FER1L6: variants seen among roughly 807,000 people sequenced by gnomAD.
FER1L6 encodes fer-1 like family member 6.
In FER1L6, 177 loss-of-function variants were observed where a neutral mutation model predicts 219.2. That is an observed-to-expected ratio of 0.81 (90% CI 0.71 to 0.91). The LOEUF (loss-of-function observed/expected upper bound fraction) is 0.91, where lower values mean the gene tolerates loss of function less well. Ranked by LOEUF, FER1L6 falls within the 40% of genes least tolerant of loss-of-function variation. The pLI, the probability that FER1L6 is intolerant of heterozygous loss-of-function variation, is 0.00. For synonymous variants in FER1L6, 768 were observed against 824.3 expected (o/e 0.93, Z 1.17); for missense variants, 2,153 against 2,259.9 (o/e 0.95, Z 0.96).
chr8:123,877,660 A>G (rs981315997), intron 1 of FER1L6, among the ~76,000 whole-genome samples: 1 of 151,914 alleles, frequency 6.6e-6, no homozygotes. Flanking sequence ...CAAGACTTGG[A>G]TTAGCATTTT....
intron 8 of FER1L6, 84 bp downstream of exon 8, chr8:123,975,390 G>GTACCCATAAGAAAA: frequency 3.1e-6 from 4 of 1,307,546 alleles, no homozygotes; most frequent in African/African-American, 1.5e-5. Flanking sequence ...CTTTTCTTAT[G>GTACCCATAAGAAAA]GGTACATGAG....
At chr8:123,983,948 G>A (rs948032300) in intron 11 of FER1L6, among the ~76,000 whole-genome samples, 9 of 152,096 alleles carry the variant, frequency 5.9e-5, no homozygotes, top group African/African-American at 1.9e-4. Context: ...GATATAGTGT[G>A]GGCAAAATTC....
At chr8:123,905,445 G>A (rs1467782874) in intron 1 of FER1L6, among the ~76,000 whole-genome samples, 2 of 152,154 alleles carry the variant, frequency 1.3e-5, no homozygotes, top group African/African-American at 2.4e-5. Context: ...ATCCCATGGT[G>A]TATATGTACC....
intron 27 of FER1L6, among the ~76,000 whole-genome samples, chr8:124,067,405 C>T (rs998005240): frequency 5.3e-5 from 8 of 152,198 alleles, no homozygotes; most frequent in African/African-American, 1.9e-4. Flanking sequence ...AGACCAGAAA[C>T]GCCAACAGAC....
chr8:124,025,004 T>A (rs992913308), intron 18 of FER1L6, among the ~76,000 whole-genome samples: 1 of 152,192 alleles, frequency 6.6e-6, no homozygotes, highest in Non-Finnish European at 1.5e-5. Context: ...TTGTATATTT[T>A]TTCTGGGAGG....
intron 32 of FER1L6, 133 bp downstream of exon 32, chr8:124,076,458 C>T: frequency 1.2e-6 from 1 of 866,924 alleles, no homozygotes; most frequent in Non-Finnish European, 1.8e-6. Context: ...GGCTTCTGCT[C>T]TTGGTAATAA....
Position 124,064,385 on chromosome 8 carries a change from G to A in FER1L6, c.3367G>A (p.Ala1123Thr). 1 of 1,612,844 alleles carries A rather than the reference G, an allele frequency of 6.2e-7. No individual in the cohort carries two copies. The change falls in exon 26 of 41, where the codon GCC becomes ACC. Residue 1123 changes from alanine to threonine, a missense_variant. By Grantham distance (58) the Ala-to-Thr change is moderately conservative. Transcript: ENST00000522917. ...DSLTATESSGAHSSSQDPPAD... is the reference protein window; with the variant it reads ...DSLTATESSGTHSSSQDPPAD... Reference sequence around the variant, plus strand: ...GCTAACAGCCACTGAGTCCTCTGGAGCCCACAGCTCCTCCCAGGATCCCCC... The same window carrying A: ...GCTAACAGCCACTGAGTCCTCTGGAACCCACAGCTCCTCCCAGGATCCCCC...
intron 12 of FER1L6, among the ~76,000 whole-genome samples, chr8:123,999,318 G>T (rs1351602037): frequency 6.6e-6 from 1 of 152,214 alleles, no homozygotes; most frequent in Non-Finnish European, 1.5e-5. Context: ...TTTCAAGGCA[G>T]AGGGTTCCCT....
intron 13 of FER1L6, chr8:124,004,135 A>C (rs1053338203): frequency 1.3e-5 from 2 of 151,456 alleles, no homozygotes; most frequent in Non-Finnish European, 2.9e-5. Flanking sequence ...AAAAAAAAAA[A>C]ACAATTGTCA....
At chr8:123,890,820 AAAT>A (rs1220386014) in intron 1 of FER1L6, among the ~76,000 whole-genome samples, 1 of 150,134 alleles carries the variant, frequency 6.7e-6, no homozygotes, top group African/African-American at 2.5e-5. Context: ...TTTTGAGCAG[AAAT>A]ATTATATTAT....
intron 34 of FER1L6, among the ~76,000 whole-genome samples, chr8:124,091,996 A>T (rs1459065715): frequency 6.6e-6 from 1 of 150,942 alleles, no homozygotes; most frequent in Non-Finnish European, 1.5e-5. Flanking sequence ...AAAGTAATGC[A>T]TGCTTATAGT....
rs1819915379 is a variant in FER1L6 at position 124,049,733 on chromosome 8, C to A, written c.2851C>A (p.Leu951Ile). 1 of 1,613,940 alleles carries A rather than the reference C, an allele frequency of 6.2e-7. No homozygotes were observed. The highest frequency in any genetic ancestry group is 1.3e-5 in the African/African-American group (1 of 74,914). The change falls in exon 22 of 41, where the codon CTT becomes ATT. Residue 951 changes from leucine (L) to isoleucine (I), a missense_variant. Coordinates refer to ENST00000522917, the MANE Select transcript of FER1L6 (RefSeq NM_001039112.2). The stretch of plus-strand genomic sequence containing the variant: ...TGGGAATCTCTCTGGAGGGGATCTC[C>A]TTGCTGTATTTGAACTGCTGCAGGT... ...FCGNLSGGDL[L>I]AVFELLQVPP...
chr8:123,915,548 T>A (rs1813161296), intron 1 of FER1L6, among the ~76,000 whole-genome samples: 1 of 152,128 alleles, frequency 6.6e-6, no homozygotes, highest in Admixed American at 6.6e-5. Flanking sequence ...TAATTAAATT[T>A]TTGTTGACCA....
intron 5 of FER1L6, among the ~76,000 whole-genome samples, chr8:123,967,521 A>G (rs991572685): frequency 6.6e-5 from 10 of 152,248 alleles, no homozygotes; most frequent in African/African-American, 1.7e-4. Flanking sequence ...CACAAGGTAT[A>G]TGCATTTAAA....
chr8:123,889,966 G>A (rs1812610014), intron 1 of FER1L6, among the ~76,000 whole-genome samples: 1 of 152,104 alleles, frequency 6.6e-6, no homozygotes, highest in Non-Finnish European at 1.5e-5. Context: ...CAAAAGTTTA[G>A]ATAGTAAAAT....
intron 1 of FER1L6, among the ~76,000 whole-genome samples, chr8:123,858,289 TAGG>T (rs1489394693): frequency 6.6e-6 from 1 of 152,218 alleles, no homozygotes; most frequent in East Asian, 1.9e-4. Flanking sequence ...TTTTAGAATA[TAGG>T]AGAATATTAT....
At chr8:124,042,229 C>T (rs546357473) in intron 20 of FER1L6, among the ~76,000 whole-genome samples, 2 of 152,214 alleles carry the variant, frequency 1.3e-5, no homozygotes, top group African/African-American at 4.8e-5. Flanking sequence ...CTCAAAGGAA[C>T]AGATGGCTTT....
At chr8:124,060,504 C>T in intron 23 of FER1L6, 44 bp from the exon 24 acceptor site, 11 of 1,606,390 alleles carry the variant, frequency 6.8e-6, no homozygotes, top group South Asian at 1.1e-5. Context: ...GTGTGGGGCT[C>T]CTCCGTGGAT....
intron 11 of FER1L6, among the ~76,000 whole-genome samples, chr8:123,983,184 C>T (rs1011968429): frequency 9.2e-5 from 14 of 152,118 alleles, no homozygotes; most frequent in African/African-American, 3.4e-4. Context: ...TCAGCATCTT[C>T]TTTTTCAACT....
Sources: gnomAD v4.1 joint callset for allele counts (sites outside exome capture counted in the v4.1 genomes callset) on GRCh38, gnomAD v4.1.1 for gene constraint, MANE v1.5 for transcripts, NCBI Gene and HGNC (gene_info 2026-07-23, HGNC 2026-07-21) for gene names.